Variants in ITGB8 observed in about 807,000 individuals in gnomAD.
The protein encoded by ITGB8 is integrin subunit beta 8.
In ITGB8, 30 loss-of-function variants were observed where a neutral mutation model predicts 89.5. That is an observed-to-expected ratio of 0.34 (90% confidence interval 0.25 to 0.45). The LOEUF is 0.45. ITGB8 is among the 20% of genes least tolerant of loss of function. ITGB8 has a pLI of 1.00. For synonymous variants in ITGB8, 335 were observed against 320.4 expected, an observed-to-expected ratio of 1.05 and a Z score of -0.49; for missense variants, 836 against 933.3, an observed-to-expected ratio of 0.90 and a Z score of 1.36.
chr7:20,366,909 A>G, intron 2 of ITGB8, 103 bp from the exon 3 acceptor site: 1 of 754,378 alleles, frequency 1.3e-6, no homozygotes, highest in Non-Finnish European at 2.1e-6. Context: ...AGAAGAAATT[A>G]AAATGATATA....
intron 1 of ITGB8, among the ~76,000 whole-genome samples, chr7:20,359,133 T>G (rs1785405034): frequency 6.6e-6 from 1 of 152,194 alleles, no homozygotes; most frequent in Admixed American, 6.5e-5. Context: ...CTAGGTTGAT[T>G]CCATGTCTTT....
Position 20,367,083 on chromosome 7 carries a change from A to G in ITGB8, c.285A>G (p.Ser95=), listed in dbSNP as rs766698969. 3 of 1,612,066 alleles carry G rather than the reference A, an allele frequency of 1.9e-6. No individual in the cohort carries two copies. Among genetic ancestry groups the G allele is most frequent in the South Asian group, 1.1e-5 (1 of 91,004 alleles). The change falls in exon 3 of 14, where the codon TCA becomes TCG. Residue 95 remains serine, a synonymous_variant. Transcript: ENST00000222573. Reference sequence around the variant, plus strand: ...CCAATTTAATAAGCAAAGGCTGCTCAGTTGATTCAATAGAATACCCATCTG... The same window carrying G: ...CCAATTTAATAAGCAAAGGCTGCTCGGTTGATTCAATAGAATACCCATCTG... ...IVSNLISKGC[S]VDSIEYPSVH...
chr7:20,376,000 G>A (rs2127956184), intron 3 of ITGB8, among the ~76,000 whole-genome samples: 1 of 152,266 alleles, frequency 6.6e-6, no homozygotes, highest in South Asian at 2.1e-4. Context: ...GGGGGTTATT[G>A]TCATGGGGCT....
intron 3 of ITGB8, among the ~76,000 whole-genome samples, chr7:20,372,001 T>TCA (rs1226219716): frequency 6.6e-6 from 1 of 152,194 alleles, no homozygotes; most frequent in Non-Finnish European, 1.5e-5. Flanking sequence ...TTGAACATTT[T>TCA]TCCTAAGGTA....
chr7:20,360,347 A>ATTTTTTTTT (rs1785450833), intron 1 of ITGB8, among the ~76,000 whole-genome samples: 14 of 11,740 alleles, frequency 1.2e-3, no homozygotes, highest in Non-Finnish European at 2.0e-3. Context: ...ACAGTCCTTT[A>ATTTTTTTTT]ATTTTTTTTT....
At chr7:20,343,049 C>T (rs1784814598) in intron 1 of ITGB8, among the ~76,000 whole-genome samples, 1 of 152,120 alleles carries the variant, frequency 6.6e-6, no homozygotes, top group Admixed American at 6.5e-5. Context: ...CTTCAGTAGA[C>T]ACGGCAGAGT....
chr7:20,396,338 C>T (rs1217322128), intron 8 of ITGB8, among the ~76,000 whole-genome samples: 1 of 151,248 alleles, frequency 6.6e-6, no homozygotes, highest in Non-Finnish European at 1.5e-5. Flanking sequence ...GAGGCTGAGG[C>T]AGGAGAATGG....
chr7:20,336,761 G>C (rs1784592087), intron 1 of ITGB8, among the ~76,000 whole-genome samples: 1 of 152,156 alleles, frequency 6.6e-6, no homozygotes, highest in East Asian at 1.9e-4. Context: ...ACACCCACCT[G>C]TGACCTCCTT....
intron 5 of ITGB8, chr7:20,381,502 A>G (rs1229484976): frequency 1.9e-5 from 8 of 420,764 alleles, no homozygotes; most frequent in Admixed American, 4.1e-5. Flanking sequence ...CTCCAGTGGA[A>G]CACTAGAAAT....
chr7:20,361,821 T>C lies in ITGB8; in HGVS notation c.128-1816T>C, dbSNP rs76164988. 5.9e-3 allele frequency among the ~76,000 whole-genome samples: 894 copies of C among 152,308 alleles called. 15 individuals are homozygous for C. The highest frequency in any genetic ancestry group is 0.02 in the African/African-American group (851 of 41,558). On this transcript the variant is annotated intron_variant, in intron 1 of 13. Coordinates refer to ENST00000222573, the MANE Select transcript of ITGB8 (RefSeq NM_002214.3). ...TTTTTAGGCTAAGGAATTTTCATAC[T>C]CTGGGTAGCCAAGCTGGTGGTAAAG...
At chr7:20,375,722 C>T (rs1786114043) in intron 3 of ITGB8, among the ~76,000 whole-genome samples, 1 of 152,170 alleles carries the variant, frequency 6.6e-6, no homozygotes, top group South Asian at 2.1e-4. Context: ...ACTGACATAT[C>T]ATCTATTAAT....
Position 20,351,514 on chromosome 7 carries a change from C to T in ITGB8, c.128-12123C>T, listed in dbSNP as rs186111115. 3.9e-5 allele frequency among the ~76,000 whole-genome samples: 6 copies of T among 152,332 alleles called. No homozygotes were observed. The East Asian group carries it at 7.7e-4, about 20-fold the overall frequency. The stretch of plus-strand genomic sequence containing the variant: ...TGGCATAGGGCCAACACAGTGTGAT[C>T]ATGTAATAGATACTTGATTTTTTAA... On this transcript the variant is annotated intron_variant, in intron 1 of 13. Coordinates refer to ENST00000222573, the MANE Select transcript of ITGB8 (RefSeq NM_002214.3).
Position 20,331,860 on chromosome 7 carries a change from C to T in ITGB8, c.54C>T (p.Asn18=). Residue 18 remains asparagine (N), a synonymous_variant, in exon 1 of 14, where the codon AAC becomes AAT. Coordinates refer to ENST00000222573, the MANE Select transcript of ITGB8 (RefSeq NM_002214.3). The part of the protein sequence containing the change: ...FFTAAFVCLQ[N]DRRGPASFLW... Reference sequence around the variant, plus strand: ...CCGCTGCATTTGTCTGCCTGCAAAACGACCGGCGAGGTCCCGCCTCGTTCC... The same window carrying T: ...CCGCTGCATTTGTCTGCCTGCAAAATGACCGGCGAGGTCCCGCCTCGTTCC... The T allele has an allele frequency of 1.2e-6, 2 of 1,614,046 alleles. No individual in the cohort carries two copies. The highest frequency in any genetic ancestry group is 1.7e-6 in the Non-Finnish European group (2 of 1,180,032).
intron 3 of ITGB8, among the ~76,000 whole-genome samples, chr7:20,368,201 C>A (rs1252816881): frequency 6.6e-6 from 1 of 152,010 alleles, no homozygotes; most frequent in Admixed American, 6.6e-5. Context: ...ATGACACAGC[C>A]CAGTATGGAC....
chr7:20,398,827 C>G (rs745368255), intron 8 of ITGB8, 33 bp from the exon 9 acceptor site: 1 of 1,484,944 alleles, frequency 6.7e-7, no homozygotes, highest in South Asian at 1.4e-5. Context: ...TGAAACTACT[C>G]TCGTATGTAA....
chr7:20,355,037 C>G (rs1478935451), intron 1 of ITGB8, among the ~76,000 whole-genome samples: 1 of 152,216 alleles, frequency 6.6e-6, no homozygotes, highest in Non-Finnish European at 1.5e-5. Context: ...TGCACCCATC[C>G]CCAGCTGCTC....
Position 20,404,714 on chromosome 7 carries a change from C to T in ITGB8, c.1774C>T (p.His592Tyr), listed in dbSNP as rs148463159. Reference protein sequence around the residue: ...RCQCPSAAAQHCVNSKGQVCS... With the variant: ...RCQCPSAAAQYCVNSKGQVCS... ...CCAGTGCCCTTCAGCAGCAGCCCAG[C>T]ACTGTGTCAATTCAAAGGGCCAAGT... The change falls in exon 11 of 14, where the codon CAC (histidine) becomes TAC (tyrosine). Residue 592 changes from histidine (H) to tyrosine (Y), a missense_variant. Transcript: ENST00000222573. 6.2e-7 allele frequency: 1 copy of T among 1,614,070 alleles called. No individual in the cohort carries two copies. The highest frequency in any genetic ancestry group is 1.3e-5 in the African/African-American group (1 of 74,928).
chr7:20,332,192 TAGAA>T (rs750940938), intron 1 of ITGB8, among the ~76,000 whole-genome samples: 13 of 152,312 alleles, frequency 8.5e-5, no homozygotes, highest in Admixed American at 2.6e-4. Flanking sequence ...GAAGCCCTAA[TAGAA>T]AGGAATTTTG....
At position 20,401,806 on chromosome 7, in the gene ITGB8, A is replaced by T; in HGVS notation, c.1367A>T (p.Asn456Ile). The part of the protein sequence containing the change: ...NYAIIKPIGF[N>I]ETAKIHIHRN... Reference sequence around the variant, plus strand: ...GCAATAATCAAACCTATTGGTTTTAATGAAACCGCTAAAATTCATATACAC... The same window carrying T: ...GCAATAATCAAACCTATTGGTTTTATTGAAACCGCTAAAATTCATATACAC... Residue 456 changes from asparagine to isoleucine, a missense_variant, in exon 10 of 14, where the codon AAT (asparagine) becomes ATT (isoleucine). This residue lies in a region of ITGB8 where 422 missense variants were observed against 416.9 expected (regional missense o/e 1.01). Transcript: ENST00000222573. 6.2e-7 allele frequency: 1 copy of T among 1,612,888 alleles called. No homozygotes were observed. Among genetic ancestry groups the T allele is most frequent in the Non-Finnish European group, 8.5e-7 (1 of 1,179,732 alleles).
Sources: allele counts gnomAD v4.1 joint callset (sites outside exome capture counted in the v4.1 genomes callset), GRCh38; gene constraint gnomAD v4.1.1; regional missense constraint gnomAD v4.1.1; transcripts MANE v1.5; gene names NCBI Gene and HGNC (gene_info 2026-07-23, HGNC 2026-07-21).